The following TP73 variants were observed in gnomAD, a reference collection of about 807,000 sequenced individuals.
The protein encoded by TP73 is p53-like transcription factor.
A neutral mutation model predicts 62.5 loss-of-function variants in TP73; 25 were observed. The observed-to-expected ratio is 0.40, with a 90% CI of 0.29 to 0.56. TP73 has a LOEUF of 0.56. Ranked by LOEUF, TP73 falls within the 20% of genes least tolerant of loss-of-function variation. The pLI, the probability that TP73 is intolerant of heterozygous loss-of-function variation, is 0.46. For missense variants in TP73, 754 were observed against 913.3 expected (o/e 0.83, Z 2.25); for synonymous variants, 423 against 377.5 (o/e 1.12, Z -1.40).
chr1:3,715,169 C>A (rs879510511), intron 4 of TP73, among the ~76,000 whole-genome samples: 2 of 152,196 alleles, frequency 1.3e-5, no homozygotes, highest in Admixed American at 1.3e-4. Context: ...CCAGCAGGAC[C>A]AGGGCAGGTG....
chr1:3,731,649 C>G (rs1160661124), intron 13 of TP73, 93 bp downstream of exon 13: 1 of 1,230,150 alleles, frequency 8.1e-7, no homozygotes, highest in East Asian at 2.3e-5. Context: ...GCTCTCGTGG[C>G]TGGGAAACTT....
At position 3,706,567 on chromosome 1, in the gene TP73, G is replaced by A. The variant is rs116462451; in HGVS notation, c.187-982G>A. 6.8e-3 allele frequency among the ~76,000 whole-genome samples: 1,005 copies of A among 147,282 alleles called. 22 individuals carry two copies. The highest frequency in any genetic ancestry group is 0.011 in the Non-Finnish European group (679 of 64,636). On this transcript the variant is annotated intron_variant, in intron 3 of 13. Coordinates refer to ENST00000378295, the MANE Select transcript of TP73 (RefSeq NM_005427.4). ...GAGCCTCGGGGGTCACAGGGAAAGC[G>A]CTGTTTATACATGTGCAGTCTTCCT...
At chr1:3,654,446 A>G (rs12097483) in intron 1 of TP73, among the ~76,000 whole-genome samples, 2,620 of 152,356 alleles carry the variant, frequency 0.017, 73 homozygotes, top group African/African-American at 0.06. Flanking sequence ...GTAGTATGGA[A>G]GTCAGAATGC....
intron 1 of TP73, among the ~76,000 whole-genome samples, chr1:3,669,126 C>A (rs1321328736): frequency 6.6e-6 from 1 of 152,242 alleles, no homozygotes; most frequent in African/African-American, 2.4e-5. Flanking sequence ...GGGCCACTTC[C>A]ACCTGGCCCC....
At chr1:3,665,030 A>T (rs1294958714) in intron 1 of TP73, among the ~76,000 whole-genome samples, 1 of 152,196 alleles carries the variant, frequency 6.6e-6, no homozygotes, top group Non-Finnish European at 1.5e-5. Flanking sequence ...TAAACAGGAG[A>T]TGCAAACTCC....
Position 3,727,659 on chromosome 1 carries a change from G to A in TP73, c.874G>A (p.Gly292Ser), listed in dbSNP as rs901552883. Reference sequence around the variant, plus strand: ...GGTGCTGGGCCGCCGGTCCTTTGAGGGCCGCATCTGCGCCTGTCCTGGCCG... The same window carrying A: ...GGTGCTGGGCCGCCGGTCCTTTGAGAGCCGCATCTGCGCCTGTCCTGGCCG... ...GQVLGRRSFEGRICACPGRDR... is the reference protein window; with the variant it reads ...GQVLGRRSFESRICACPGRDR... Residue 292 changes from glycine (G) to serine (S), a missense_variant, in exon 8 of 14, where the codon GGC becomes AGC. Physicochemically the swap from Gly to Ser is moderately conservative, Grantham distance 56. Transcript: ENST00000378295. The A allele has an allele frequency of 6.9e-6, 11 of 1,600,116 alleles. No individual in the cohort carries two copies. In the Admixed American group the frequency reaches 1.5e-4, roughly 22 times the overall value.
chr1:3,704,636 G>C (rs561761390), intron 3 of TP73, among the ~76,000 whole-genome samples: 6 of 152,224 alleles, frequency 3.9e-5, no homozygotes, highest in African/African-American at 7.2e-5. Flanking sequence ...GTGAAGGGTC[G>C]TGTGCAGACC....
At chr1:3,713,569 G>C (rs952938129) in intron 4 of TP73, among the ~76,000 whole-genome samples, 5 of 152,158 alleles carry the variant, frequency 3.3e-5, no homozygotes, top group African/African-American at 1.2e-4. Flanking sequence ...CAGGCCAGTG[G>C]TCACTTCTGG....
In TP73 at chr1:3,696,083, G is replaced by C. The variant is rs1236010543; in HGVS notation, c.187-11466G>C. The stretch of plus-strand genomic sequence containing the variant: ...AGCCGCATGCAGGGAGGAGGACGAC[G>C]AGCGAGCAGTTCCCAAAGCCCCATG... On this transcript the variant is annotated intron_variant, in intron 3 of 13. Transcript: ENST00000378295. This position sits in a 1 kb window ranked among gnomAD's most constrained non-coding sequence, Gnocchi z 4.1. Among the ~76,000 whole-genome samples, 3 of 152,174 alleles carry C rather than the reference G, an allele frequency of 2.0e-5. No individual in the cohort carries two copies. Among genetic ancestry groups the C allele is most frequent in the Admixed American group, 2.0e-4 (3 of 15,286 alleles).
chr1:3,734,115 A>G lies in TP73; in HGVS notation c.*1036A>G, dbSNP rs1338980176. The G allele has an allele frequency of 2.6e-5, 4 of 152,156 alleles. No homozygotes were observed. Among genetic ancestry groups the G allele is most frequent in the Non-Finnish European group, 5.9e-5 (4 of 68,062 alleles). The allele number at this position is 152,156 out of a possible 1,614,324, so 9.4% of individuals were successfully genotyped here. On this transcript the variant is annotated 3_prime_UTR_variant, in exon 14 of 14. Transcript: ENST00000378295. This position sits in a 1 kb window ranked among gnomAD's most constrained non-coding sequence, Gnocchi z 4.4. ...GGCAAATCTGCAGGAATGCTCTGCC[A>G]TGGGAGCAGCTCCTCCCTTGCCACG...
In TP73 at chr1:3,733,806, CCA is replaced by C. The variant is rs1305059878; in HGVS notation, c.*730_*731del. 2 of 152,204 alleles carry C rather than the reference CCA, an allele frequency of 1.3e-5. No homozygotes were observed. Among genetic ancestry groups the C allele is most frequent in the Admixed American group, 1.3e-4 (2 of 15,272 alleles). 9.4% of individuals were successfully genotyped at this position (152,204 alleles called of 1,614,324 possible). A position where few individuals can be genotyped will look rare whatever the true frequency, so the allele number is the denominator to read the frequency against. ...CCTCAGCCAGTGCCCCTCAGCCTGG[CCA>C]CAGTCGCCTCTCCTCGGGGACCCCT... On this transcript the variant is annotated 3_prime_UTR_variant, in exon 14 of 14. Coordinates refer to ENST00000378295, the MANE Select transcript of TP73 (RefSeq NM_005427.4).
intron 3 of TP73, among the ~76,000 whole-genome samples, chr1:3,687,008 G>A (rs1054438152): frequency 4.6e-5 from 7 of 152,262 alleles, no homozygotes; most frequent in East Asian, 1.9e-4. Context: ...GCTGCTCCTC[G>A]GACACCAGAA....
Position 3,663,735 on chromosome 1 carries a change from C to T in TP73, c.-34+11094C>T, listed in dbSNP as rs572715995. On this transcript the variant is annotated intron_variant, in intron 1 of 13. Transcript: ENST00000378295. This position sits in a 1 kb window ranked among gnomAD's most constrained non-coding sequence, Gnocchi z 4.7. Reference sequence around the variant, plus strand: ...AGAAAGAAAGAAAGGATACAGACATCCTGAACCGGGGGCTGGGGCCAGGTC... The same window carrying T: ...AGAAAGAAAGAAAGGATACAGACATTCTGAACCGGGGGCTGGGGCCAGGTC... Among the ~76,000 whole-genome samples the T allele has an allele frequency of 5.9e-4, 89 of 151,932 alleles. No individual in the cohort carries two copies. Among genetic ancestry groups the T allele is most frequent in the African/African-American group, 2.1e-3 (87 of 41,498 alleles).
chr1:3,676,769 G>A (rs2102065828), intron 1 of TP73, among the ~76,000 whole-genome samples: 1 of 151,992 alleles, frequency 6.6e-6, no homozygotes, highest in Non-Finnish European at 1.5e-5. Context: ...GTTGGCGTGT[G>A]AGCCTGAGGC....
chr1:3,717,996 G>A (rs543246933), intron 4 of TP73, among the ~76,000 whole-genome samples: 10 of 152,328 alleles, frequency 6.6e-5, no homozygotes, highest in African/African-American at 2.4e-4. Flanking sequence ...ACTGGCCAGA[G>A]GGGAGGAGAA....
At chr1:3,679,231 G>A (rs1310997756) in intron 1 of TP73, among the ~76,000 whole-genome samples, 2 of 152,140 alleles carry the variant, frequency 1.3e-5, no homozygotes, top group Non-Finnish European at 2.9e-5. Context: ...ACAGGATGCC[G>A]ACTTGAAAAT....
intron 5 of TP73, 30 bp from the exon 6 acceptor site, chr1:3,723,324 C>T: frequency 4.4e-6 from 7 of 1,590,200 alleles, no homozygotes; most frequent in Non-Finnish European, 6.0e-6. Context: ...CCTCTATGCA[C>T]CTCTCTGAAG....
chr1:3,712,135 T>G (rs929884380), intron 4 of TP73: 6 of 152,216 alleles, frequency 3.9e-5, no homozygotes, highest in Admixed American at 2.0e-4. Context: ...GTTTATGGAA[T>G]GCATGAGTGG....
At chr1:3,725,513 T>C (rs542122121) in intron 6 of TP73, among the ~76,000 whole-genome samples, 1 of 57,752 alleles carries the variant, frequency 1.7e-5, no homozygotes, top group Non-Finnish European at 3.3e-5. Context: ...GGTGAATGGA[T>C]GGGTGGGTGG....
Sources: gnomAD v4.1 joint callset for allele counts (sites outside exome capture counted in the v4.1 genomes callset) on GRCh38, gnomAD v4.1.1 for gene constraint, Gnocchi (gnomAD v3.1) non-coding constraint, MANE v1.5 for transcripts, NCBI Gene and HGNC (gene_info 2026-07-23, HGNC 2026-07-21) for gene names.